The following ZNF367 variants were observed in gnomAD, a reference collection of about 807,000 sequenced individuals.
ZNF367 encodes C2H2 zinc finger protein ZFF29.
A neutral mutation model predicts 31.8 loss-of-function variants in ZNF367; 11 were observed. The observed-to-expected ratio is 0.35, with a 90% CI of 0.22 to 0.57. The LOEUF (loss-of-function observed/expected upper bound fraction) is 0.57. Among genes scored for constraint, ZNF367 ranks in the 20% least tolerant of loss-of-function variants. The probability of loss-of-function intolerance (pLI) is 0.85; values close to 1 mark genes in which losing one functional copy is unlikely to be tolerated. For missense variants in ZNF367, 353 were observed against 484.1 expected, an observed-to-expected ratio of 0.73 and a Z score of 2.54; for synonymous variants, 199 against 202.4, an observed-to-expected ratio of 0.98 and a Z score of 0.14.
intron 1 of ZNF367, among the ~76,000 whole-genome samples, chr9:96,415,155 C>T (rs564805968): frequency 6.7e-6 from 1 of 150,184 alleles, no homozygotes; most frequent in African/African-American, 2.4e-5. Flanking sequence ...CCCGGGTTCA[C>T]GCCATTCTCC....
At chr9:96,390,720 C>CA (rs1436027739) in intron 4 of ZNF367, among the ~76,000 whole-genome samples, 1 of 151,716 alleles carries the variant, frequency 6.6e-6, no homozygotes, top group African/African-American at 2.4e-5. Context: ...CCAGTCTCTA[C>CA]AAAAAACTTA....
intron 1 of ZNF367, among the ~76,000 whole-genome samples, chr9:96,413,091 G>A (rs1365656665): frequency 1.3e-5 from 2 of 152,170 alleles, no homozygotes; most frequent in Non-Finnish European, 2.9e-5. Context: ...ATAGTCCCAG[G>A]AGCAGTGCAG....
chr9:96,417,955 G>T lies in ZNF367; in HGVS notation c.78C>A (p.Ser26=), dbSNP rs770721618. Residue 26 remains serine (S), a synonymous_variant, in exon 1 of 5, where the codon TCC becomes TCA. Coordinates refer to ENST00000375256, the MANE Select transcript of ZNF367 (RefSeq NM_153695.4). The surrounding 1 kb of genome is among the most constrained non-coding windows in gnomAD (Gnocchi z 5.0). ...PPPPVIFCHD[S]PKRVLVSVIR... ...TGACCGACACCAGCACCCGCTTCGG[G>T]GAGTCGTGGCAGAAGATGACGGGCG... 1 of 1,497,060 alleles carries T rather than the reference G, an allele frequency of 6.7e-7. No homozygotes were observed. Among genetic ancestry groups the T allele is most frequent in the Non-Finnish European group, 8.8e-7 (1 of 1,130,308 alleles). 92.7% of individuals were successfully genotyped at this position (1,497,060 alleles called of 1,614,324 possible).
At position 96,388,091 on chromosome 9, in the gene ZNF367, A is replaced by T; in HGVS notation, c.*146T>A. The T allele has an allele frequency of 1.4e-6, 1 of 739,896 alleles. No individual in the cohort carries two copies. The highest frequency in any genetic ancestry group is 2.2e-6 in the Non-Finnish European group (1 of 463,672). The allele number at this position is 739,896 out of a possible 1,614,324, so 45.8% of individuals were successfully genotyped here. ...AAAAAGTGCAGTTCTCTCTCACCCC[A>T]TATTCTGGGGCAATAACATTCTTCA... is the stretch of plus-strand genomic sequence containing the variant. On this transcript the variant is annotated 3_prime_UTR_variant, in exon 5 of 5. Transcript: ENST00000375256.
chr9:96,403,515 C>T (rs1831635516), intron 1 of ZNF367, among the ~76,000 whole-genome samples: 1 of 151,782 alleles, frequency 6.6e-6, no homozygotes, highest in African/African-American at 2.4e-5. Context: ...AAAGGCTATC[C>T]TCAAGTTCAT....
intron 3 of ZNF367, among the ~76,000 whole-genome samples, chr9:96,393,370 A>G (rs549913904): frequency 7.3e-4 from 111 of 151,814 alleles, no homozygotes; most frequent in African/African-American, 2.5e-3. Flanking sequence ...AAAATACAAA[A>G]ATTAGCCGGA....
chr9:96,403,317 A>G (rs1237239425), intron 1 of ZNF367, among the ~76,000 whole-genome samples: 2 of 152,236 alleles, frequency 1.3e-5, no homozygotes, highest in African/African-American at 4.8e-5. Flanking sequence ...CACAAGGGAA[A>G]AAAGAAAATA....
chr9:96,392,453 T>G lies in ZNF367; in HGVS notation c.775A>C (p.Thr259Pro). 1 of 1,614,180 alleles carries G rather than the reference T, an allele frequency of 6.2e-7. No individual in the cohort carries two copies. Among genetic ancestry groups the G allele is most frequent in the Non-Finnish European group, 8.5e-7 (1 of 1,180,010 alleles). ...TCGGCAGCCTGATGTTTGCTGAGTGTGTCCGTGGGCTCCTCTCTCTTCAGC... is the reference window on the plus strand; with the variant it reads ...TCGGCAGCCTGATGTTTGCTGAGTGGGTCCGTGGGCTCCTCTCTCTTCAGC... ...ARLKREEPTD[T>P]LSKHQAADNK... The change falls in exon 4 of 5, where the codon ACA becomes CCA. Residue 259 changes from threonine to proline, a missense_variant. Physicochemically the swap from Thr to Pro is conservative, Grantham distance 38 (BLOSUM62 -1). Around this residue, in one of 5 missense-constraint regions of ZNF367, gnomAD observed 101 missense variants for 140.0 expected, o/e 0.72. Coordinates refer to ENST00000375256, the MANE Select transcript of ZNF367 (RefSeq NM_153695.4).
intron 2 of ZNF367, among the ~76,000 whole-genome samples, chr9:96,397,263 A>C (rs1308219308): frequency 6.6e-6 from 1 of 151,614 alleles, no homozygotes; most frequent in Non-Finnish European, 1.5e-5. Flanking sequence ...GATGAACTAT[A>C]AGGTTCCTTC....
At position 96,403,258 on chromosome 9, in the gene ZNF367, G is replaced by A. The variant is rs182403650; in HGVS notation, c.421-4944C>T. ...GCTGGAATTACAAGCATGAGCCCCC[G>A]TGCCCAGCCCAACACACTCTTAAAT... is the stretch of plus-strand genomic sequence containing the variant. On this transcript the variant is annotated intron_variant, in intron 1 of 4. Transcript: ENST00000375256. 2.0e-3 allele frequency among the ~76,000 whole-genome samples: 309 copies of A among 152,204 alleles called. 3 individuals are homozygous for A. Among genetic ancestry groups the A allele is most frequent in the Non-Finnish European group, 3.1e-4 (21 of 68,010 alleles).
chr9:96,408,688 A>C (rs1392961247), intron 1 of ZNF367, among the ~76,000 whole-genome samples: 3 of 152,222 alleles, frequency 2.0e-5, no homozygotes, highest in African/African-American at 4.8e-5. Context: ...GACTTGTTGC[A>C]CAACCGTTTA....
intron 2 of ZNF367, among the ~76,000 whole-genome samples, chr9:96,395,339 C>T (rs1452920657): frequency 6.6e-6 from 1 of 152,170 alleles, no homozygotes; most frequent in African/African-American, 2.4e-5. Flanking sequence ...CCTCTTGTTT[C>T]TCCCCCTGCA....
intron 1 of ZNF367, among the ~76,000 whole-genome samples, chr9:96,402,619 A>ATTTTTTTTTTTTT: frequency 1.4e-5 from 1 of 70,200 alleles, no homozygotes; most frequent in Non-Finnish European, 2.5e-5. Context: ...CGCCTGGCTA[A>ATTTTTTTTTTTTT]TTTTTTTTTT....
Position 96,392,400 on chromosome 9 carries a change from C to T in ZNF367, c.828G>A (p.Ala276=), listed in dbSNP as rs748025649. 11 of 1,614,074 alleles carry T rather than the reference C, an allele frequency of 6.8e-6. No homozygotes were observed. The highest frequency in any genetic ancestry group is 6.7e-5 in the African/African-American group (5 of 74,934). The change falls in exon 4 of 5, where the codon GCG becomes GCA. Residue 276 remains alanine (A), a splice_region_variant and synonymous_variant. Coordinates refer to ENST00000375256, the MANE Select transcript of ZNF367 (RefSeq NM_153695.4). ...ADNKAAAEWL[A]RYWEMREQRT... is the part of the protein sequence containing the mutation. ...GGACTAAAGGCAGCATTCCTGACCT[C>T]GCCAGCCACTCGGCCGCGGCCTTGT... is the stretch of plus-strand genomic sequence containing the variant.
chr9:96,417,443 C>CG lies in ZNF367; in HGVS notation c.420+169_420+170insC, dbSNP rs1393228400. Among the ~76,000 whole-genome samples the CG allele has an allele frequency of 1.5e-5, 2 of 132,706 alleles. No individual in the cohort carries two copies. The highest frequency in any genetic ancestry group is 1.4e-4 in the Admixed American group (2 of 14,572). 87.1% of individuals were successfully genotyped at this position (132,706 alleles called of 152,430 possible). A position where few individuals can be genotyped will look rare whatever the true frequency, so the allele number is the denominator to read the frequency against. The stretch of plus-strand genomic sequence containing the variant: ...CCCGCCTGTCACGTGACAGGCCCCC[C>CG]CCGACTGGGGCCGGTTTTTGGCGCG... On this transcript the variant is annotated intron_variant, in intron 1 of 4. Coordinates refer to ENST00000375256, the MANE Select transcript of ZNF367 (RefSeq NM_153695.4). This position sits in a 1 kb window ranked among gnomAD's most constrained non-coding sequence, Gnocchi z 5.0.
In ZNF367 at chr9:96,387,714, T is replaced by G. The variant is rs1235921390; in HGVS notation, c.*523A>C. 1 of 152,332 alleles carries G rather than the reference T, an allele frequency of 6.6e-6. No individual in the cohort carries two copies. Among genetic ancestry groups the G allele is most frequent in the East Asian group, 1.9e-4 (1 of 5,202 alleles). The allele number at this position is 152,332 out of a possible 1,614,324, so 9.4% of individuals were successfully genotyped here. A position where few individuals can be genotyped will look rare whatever the true frequency, so the allele number is the denominator to read the frequency against. On this transcript the variant is annotated 3_prime_UTR_variant, in exon 5 of 5. Coordinates refer to ENST00000375256, the MANE Select transcript of ZNF367 (RefSeq NM_153695.4). ...ACTTAGAACATCTTCCAAAATAGCC[T>G]CCCATTTCTCTAGCCTTAGTGGGCA... is the stretch of plus-strand genomic sequence containing the variant.
intron 1 of ZNF367, 101 bp from the exon 2 acceptor site, chr9:96,398,415 G>A: frequency 5.5e-6 from 6 of 1,100,364 alleles, no homozygotes; most frequent in Non-Finnish European, 7.6e-6. Flanking sequence ...TGGGAGCTGG[G>A]CGCAGCGGCA....
At chr9:96,408,793 A>G (rs1831704813) in intron 1 of ZNF367, among the ~76,000 whole-genome samples, 1 of 152,240 alleles carries the variant, frequency 6.6e-6, no homozygotes, top group South Asian at 2.1e-4. Context: ...GTCAGAAGGC[A>G]CTGTGGCAGA....
At chr9:96,396,131 T>C (rs1036161585) in intron 2 of ZNF367, among the ~76,000 whole-genome samples, 105 of 152,150 alleles carry the variant, frequency 6.9e-4, no homozygotes, top group Non-Finnish European at 1.2e-3. Context: ...AGTTCCTTGA[T>C]GTACAGACAT....
Sources: gnomAD v4.1 joint callset for allele counts (sites outside exome capture counted in the v4.1 genomes callset) on GRCh38, gnomAD v4.1.1 for gene constraint, gnomAD v4.1.1 regional missense constraint, Gnocchi (gnomAD v3.1) non-coding constraint, MANE v1.5 for transcripts, NCBI Gene and HGNC (gene_info 2026-07-23, HGNC 2026-07-21) for gene names.